MMP16: variants seen among roughly 807,000 people sequenced by gnomAD.
MMP16 encodes the protein matrix metalloproteinase-16.
Under a neutral mutation model 67.8 loss-of-function variants are expected in MMP16, and 12 were observed. That is an observed-to-expected ratio of 0.18 (90% CI 0.11 to 0.29). MMP16 has a LOEUF of 0.29. Among genes scored for constraint, MMP16 ranks in the 10% least tolerant of loss-of-function variants. MMP16 has a pLI of 1.00. For synonymous variants in MMP16, 249 were observed against 255.9 expected, an observed-to-expected ratio of 0.97 and a Z score of 0.26; for missense variants, 475 against 765.7, an observed-to-expected ratio of 0.62 and a Z score of 4.48.
At chr8:88,153,814 T>G (rs2129654150) in intron 4 of MMP16, among the ~76,000 whole-genome samples, 1 of 151,698 alleles carries the variant, frequency 6.6e-6, no homozygotes, top group Non-Finnish European at 1.5e-5. Context: ...GGGCAAGGAC[T>G]TCATGTCCAA....
At position 88,283,681 on chromosome 8, in the gene MMP16, C is replaced by T. The variant is rs983660265; in HGVS notation, c.132+43394G>A. On this transcript the variant is annotated intron_variant, in intron 1 of 9. Coordinates refer to ENST00000286614, the MANE Select transcript of MMP16 (RefSeq NM_005941.5). ...TGACTAGTACACATTCTGCTCTTTG[C>T]AAATATACTAAAACCAAACAACCAA... 1.1e-3 allele frequency among the ~76,000 whole-genome samples: 160 copies of T among 152,198 alleles called. 1 individual carries two copies. Among genetic ancestry groups the T allele is most frequent in the Non-Finnish European group, 2.1e-3 (145 of 68,010 alleles).
intron 3 of MMP16, among the ~76,000 whole-genome samples, chr8:88,177,392 T>G (rs970390050): frequency 6.6e-6 from 1 of 151,974 alleles, no homozygotes; most frequent in Non-Finnish European, 1.5e-5. Context: ...GCCCCAAAAG[T>G]GGAGAGAGGG....
At chr8:88,192,553 T>C (rs1193694015) in intron 2 of MMP16, among the ~76,000 whole-genome samples, 2 of 152,194 alleles carry the variant, frequency 1.3e-5, no homozygotes, top group African/African-American at 4.8e-5. Flanking sequence ...TGATAGCGTT[T>C]TAATGCCATG....
chr8:88,113,570 G>A (rs982189938), intron 6 of MMP16, among the ~76,000 whole-genome samples: 1 of 151,866 alleles, frequency 6.6e-6, no homozygotes, highest in Non-Finnish European at 1.5e-5. Flanking sequence ...TGAAACGGCA[G>A]AAAGATCAGA....
At chr8:88,096,458 T>C (rs1809028044) in intron 6 of MMP16, among the ~76,000 whole-genome samples, 1 of 152,002 alleles carries the variant, frequency 6.6e-6, no homozygotes, top group Non-Finnish European at 1.5e-5. Flanking sequence ...GGCATTATTT[T>C]GAACAAAGTT....
intron 1 of MMP16, among the ~76,000 whole-genome samples, chr8:88,272,240 CATT>C (rs1294004860): frequency 2.6e-5 from 4 of 152,126 alleles, no homozygotes; most frequent in Non-Finnish European, 5.9e-5. Context: ...GTCACATTAT[CATT>C]ATTATTAGCA....
chr8:88,200,417 A>G (rs1809324604), intron 1 of MMP16, among the ~76,000 whole-genome samples: 1 of 151,980 alleles, frequency 6.6e-6, no homozygotes, highest in South Asian at 2.1e-4. Context: ...CTCTAGAACA[A>G]CCAACCTCAA....
At chr8:88,181,130 A>G (rs572079706) in intron 3 of MMP16, among the ~76,000 whole-genome samples, 6 of 152,196 alleles carry the variant, frequency 3.9e-5, no homozygotes, top group Non-Finnish European at 4.4e-5. Context: ...CAGAAAAGCC[A>G]ATGAGTTCCG....
At chr8:88,287,943 C>T (rs570625477) in intron 1 of MMP16, among the ~76,000 whole-genome samples, 2 of 152,116 alleles carry the variant, frequency 1.3e-5, no homozygotes, top group Non-Finnish European at 2.9e-5. Flanking sequence ...AGAGTAATAC[C>T]AAGGTCAGTC....
chr8:88,033,998 T>G lies in MMP16; in HGVS notation c.*7463A>C, dbSNP rs1200874611. 1.3e-5 allele frequency: 2 copies of G among 152,064 alleles called. No homozygotes were observed. Among genetic ancestry groups the G allele is most frequent in the African/African-American group, 2.4e-5 (1 of 41,450 alleles). The allele number at this position is 152,064 out of a possible 1,614,324, so 9.4% of individuals were successfully genotyped here. A position where few individuals can be genotyped will look rare whatever the true frequency, so the allele number is the denominator to read the frequency against. On this transcript the variant is annotated 3_prime_UTR_variant, in exon 10 of 10. Transcript: ENST00000286614. The stretch of plus-strand genomic sequence containing the variant: ...CAAAAGCAAATTTCCTTAGCTATCC[T>G]ATCAACAGGCAATACCCATCATACT...
At position 88,035,380 on chromosome 8, in the gene MMP16, A is replaced by G. The variant is rs568783203; in HGVS notation, c.*6081T>C. 4 of 152,224 alleles carry G rather than the reference A, an allele frequency of 2.6e-5. No homozygotes were observed. The highest frequency in any genetic ancestry group is 9.6e-5 in the African/African-American group (4 of 41,576). The allele number at this position is 152,224 out of a possible 1,614,324, so 9.4% of individuals were successfully genotyped here. ...TTTAATGTGAGGACACGCTGAGTGC[A>G]CATTTGAATATCATCCCCAGTCCAA... On this transcript the variant is annotated 3_prime_UTR_variant, in exon 10 of 10. Coordinates refer to ENST00000286614, the MANE Select transcript of MMP16 (RefSeq NM_005941.5). The surrounding 1 kb of genome is among the most constrained non-coding windows in gnomAD (Gnocchi z 4.7).
At chr8:88,264,363 C>G (rs1412008153) in intron 1 of MMP16, among the ~76,000 whole-genome samples, 1 of 152,064 alleles carries the variant, frequency 6.6e-6, no homozygotes. Context: ...CCACACCCGG[C>G]TGATTTTTAA....
rs577316350 is a variant in MMP16, at chr8:88,217,393, G to T, written c.133-20087C>A. On this transcript the variant is annotated intron_variant, in intron 1 of 9. Transcript: ENST00000286614. The stretch of plus-strand genomic sequence containing the variant: ...TGTGCCCATTTATATTTACTACTAT[G>T]GTAACAAATACATATATTTAAATCT... 2.0e-5 allele frequency among the ~76,000 whole-genome samples: 3 copies of T among 151,946 alleles called. No homozygotes were observed. In the South Asian group the frequency reaches 6.2e-4, roughly 32 times the overall value.
intron 6 of MMP16, among the ~76,000 whole-genome samples, chr8:88,104,862 A>C (rs1339081527): frequency 6.6e-6 from 1 of 151,376 alleles, no homozygotes; most frequent in Non-Finnish European, 1.5e-5. Flanking sequence ...AAAACAGTTT[A>C]AAAAGAAAAA....
chr8:88,181,585 T>G (rs543881105), intron 3 of MMP16, among the ~76,000 whole-genome samples: 3 of 151,242 alleles, frequency 2.0e-5, no homozygotes. Flanking sequence ...ATTTAATATA[T>G]AATATTTATG....
rs1420801512 is a variant in MMP16 at position 88,034,785 on chromosome 8, C to G, written c.*6676G>C. On this transcript the variant is annotated 3_prime_UTR_variant, in exon 10 of 10. Transcript: ENST00000286614. ...GCATCCTAGTGACTTTTCAAATAGA[C>G]AGCTCACACCAGGCTTCATTCAACC... The G allele has an allele frequency of 6.6e-6, 1 of 151,980 alleles. No individual in the cohort carries two copies. Among genetic ancestry groups the G allele is most frequent in the African/African-American group, 2.4e-5 (1 of 41,400 alleles). 9.4% of individuals were successfully genotyped at this position (151,980 alleles called of 1,614,324 possible).
intron 1 of MMP16, among the ~76,000 whole-genome samples, chr8:88,223,861 T>C (rs906183716): frequency 6.6e-6 from 1 of 151,760 alleles, no homozygotes; most frequent in Non-Finnish European, 1.5e-5. Context: ...AAAGAAAATA[T>C]TTTACCAGGA....
At chr8:88,076,900 A>C (rs1487619208) in intron 6 of MMP16, among the ~76,000 whole-genome samples, 1 of 152,072 alleles carries the variant, frequency 6.6e-6, no homozygotes, top group Non-Finnish European at 1.5e-5. Context: ...CTGGTGAAAA[A>C]ACCTGGACTA....
At chr8:88,260,235 T>C (rs1194712471) in intron 1 of MMP16, among the ~76,000 whole-genome samples, 23 of 152,196 alleles carry the variant, frequency 1.5e-4, no homozygotes, top group Admixed American at 1.4e-3. Flanking sequence ...TTTAACTGTA[T>C]TGTCATTCCT....
Sources: allele counts gnomAD v4.1 joint callset (sites outside exome capture counted in the v4.1 genomes callset), GRCh38; gene constraint gnomAD v4.1.1; non-coding constraint Gnocchi (gnomAD v3.1); transcripts MANE v1.5; gene names NCBI Gene and HGNC (gene_info 2026-07-23, HGNC 2026-07-21).